Variants in ENTPD1 observed in about 807,000 individuals in gnomAD.
ENTPD1 encodes ectonucleoside triphosphate diphosphohydrolase 1.
ENTPD1 carries 33 observed loss-of-function variants against 57.0 expected under a neutral mutation model. That is an observed-to-expected ratio of 0.58 (90% CI 0.44 to 0.77). The LOEUF (loss-of-function observed/expected upper bound fraction) is 0.77, where lower values mean the gene tolerates loss of function less well. Among genes scored for constraint, ENTPD1 ranks in the 30% least tolerant of loss-of-function variants. ENTPD1 has a pLI of 0.00. For missense variants in ENTPD1, 501 were observed against 603.4 expected (o/e 0.83, Z 1.78); for synonymous variants, 202 against 218.8 (o/e 0.92, Z 0.68).
At chr10:95,847,296 T>C (rs2098437593) in intron 6 of ENTPD1, 150 bp from the exon 7 acceptor site, 4 of 857,584 alleles carry the variant, frequency 4.7e-6, no homozygotes, top group Non-Finnish European at 7.7e-6. Flanking sequence ...TCATATTTAT[T>C]CCTAAGGGTA....
At chr10:95,706,231 GT>G in the ENTPD1 span, among the ~76,000 whole-genome samples, 8,343 of 152,286 alleles carry the variant, frequency 0.055, 265 homozygotes, top group South Asian at 0.088. Context: ...TTGGACAGTG[GT>G]TATGTTATGG....
At chr10:95,862,272 G>A (rs1212349291) in intron 8 of ENTPD1, among the ~76,000 whole-genome samples, 2 of 152,128 alleles carry the variant, frequency 1.3e-5, no homozygotes, top group African/African-American at 4.8e-5. Context: ...TATGACCCAG[G>A]GTTCACTTTC....
chr10:95,869,627 T>C lies in ENTPD1; in HGVS notation c.*3244T>C. The stretch of plus-strand genomic sequence containing the variant: ...TGTGTGACAAGAAAGAGAAAGAAAA[T>C]AAAGAAGTTTCAATTCATCCAATTC... On this transcript the variant is annotated 3_prime_UTR_variant, in exon 10 of 10. Coordinates refer to ENST00000371205, the MANE Select transcript of ENTPD1 (RefSeq NM_001776.6). The C allele has an allele frequency of 1.0e-6, 1 of 985,122 alleles. No individual in the cohort carries two copies. Among genetic ancestry groups the C allele is most frequent in the Non-Finnish European group, 1.2e-6 (1 of 829,764 alleles). The allele number at this position is 985,122 out of a possible 1,614,324, so 61.0% of individuals were successfully genotyped here.
chr10:95,851,185 G>T (rs2098444309), intron 7 of ENTPD1, among the ~76,000 whole-genome samples: 3 of 151,758 alleles, frequency 2.0e-5, no homozygotes, highest in Non-Finnish European at 4.4e-5. Flanking sequence ...TGGAATTAAA[G>T]AACATTAAAA....
chr10:95,774,830 A>G (rs1238625040), intron 1 of ENTPD1, among the ~76,000 whole-genome samples: 2 of 152,136 alleles, frequency 1.3e-5, no homozygotes, highest in South Asian at 2.1e-4. Flanking sequence ...TTTTGGTTCC[A>G]TAGGAACTTT....
intron 1 of ENTPD1, among the ~76,000 whole-genome samples, chr10:95,793,389 C>A (rs1421824013): frequency 1.3e-5 from 2 of 152,138 alleles, no homozygotes; most frequent in Non-Finnish European, 2.9e-5. Context: ...GAAAAGGCCC[C>A]TGGTTGGGCT....
At chr10:95,795,523 A>G (rs1489796622) in intron 1 of ENTPD1, among the ~76,000 whole-genome samples, 1 of 152,208 alleles carries the variant, frequency 6.6e-6, no homozygotes, top group Non-Finnish European at 1.5e-5. Context: ...GACCAAATAT[A>G]TAGTATTTCC....
At chr10:95,714,772 A>C (rs1426146764) in intron 1 of ENTPD1, among the ~76,000 whole-genome samples, 1 of 152,178 alleles carries the variant, frequency 6.6e-6, no homozygotes, top group Non-Finnish European at 1.5e-5. Context: ...GAATTTCAAA[A>C]ATTTTTTTTT....
At chr10:95,864,542 A>G (rs1033657966) in intron 8 of ENTPD1, among the ~76,000 whole-genome samples, 182 bp from the exon 9 acceptor site, 1 of 152,194 alleles carries the variant, frequency 6.6e-6, no homozygotes, top group African/African-American at 2.4e-5. Flanking sequence ...ACCCTAAACT[A>G]TAAAACCCTG....
chr10:95,831,013 C>T (rs867991817), intron 2 of ENTPD1, among the ~76,000 whole-genome samples: 2 of 152,036 alleles, frequency 1.3e-5, no homozygotes, highest in South Asian at 2.1e-4. Context: ...GCAAGGCAGG[C>T]GAGGCCAGAA....
In ENTPD1 at chr10:95,876,547, T is replaced by C; in HGVS notation, c.*10164T>C. On this transcript the variant is annotated 3_prime_UTR_variant, in exon 10 of 10. Coordinates refer to ENST00000371205, the MANE Select transcript of ENTPD1 (RefSeq NM_001776.6). ...GCAATAGTCAACTGAACCATCTTCT[T>C]GGAGTACTCATGAAGATGGAAGTCT... 2 of 1,231,288 alleles carry C rather than the reference T, an allele frequency of 1.6e-6. No homozygotes were observed. Among genetic ancestry groups the C allele is most frequent in the Non-Finnish European group, 2.0e-6 (2 of 987,694 alleles). 76.3% of individuals were successfully genotyped at this position (1,231,288 alleles called of 1,614,324 possible).
Position 95,732,124 on chromosome 10 carries a change from G to A in ENTPD1, c.37+20131G>A, listed in dbSNP as rs181049479. ...AGTAACTGCAACAGAGGCATGCTTC[G>A]AATACTATACTTTTTTGAGACACAT... On this transcript the variant is annotated intron_variant, in intron 1 of 9. Transcript: ENST00000453258. Among the ~76,000 whole-genome samples the A allele has an allele frequency of 1.4e-3, 217 of 152,098 alleles. 3 individuals are homozygous for A. Among genetic ancestry groups the A allele is most frequent in the African/African-American group, 4.9e-3 (204 of 41,498 alleles).
chr10:95,707,734 A>G (rs2097963098), upstream of ENTPD1, among the ~76,000 whole-genome samples: 1 of 152,174 alleles, frequency 6.6e-6, no homozygotes. Context: ...CCTCCTGAGT[A>G]GCTGGGATTA....
At chr10:95,717,813 C>A (rs2097973260) in intron 1 of ENTPD1, among the ~76,000 whole-genome samples, 1 of 152,128 alleles carries the variant, frequency 6.6e-6, no homozygotes, top group Non-Finnish European at 1.5e-5. Context: ...AGGAGGGGTG[C>A]CTTCAATGCC....
At chr10:95,768,581 C>T (rs1203108427) in intron 1 of ENTPD1, among the ~76,000 whole-genome samples, 2 of 150,574 alleles carry the variant, frequency 1.3e-5, no homozygotes, top group East Asian at 3.9e-4. Flanking sequence ...CATTCTGAGA[C>T]TATTTTCCTA....
upstream of ENTPD1, chr10:95,756,037 A>G: frequency 6.8e-7 from 1 of 1,472,606 alleles, no homozygotes; most frequent in Non-Finnish European, 9.0e-7. Flanking sequence ...TCCTCAGTCA[A>G]TCTGTCCTTT....
Position 95,823,333 on chromosome 10 carries a change from C to A in ENTPD1, c.113C>A (p.Thr38Asn), listed in dbSNP as rs1033246962. Reference sequence around the variant, plus strand: ...ATAGCTTTGCTTGCTGTGGGGTTGACCCAGAACAAAGCATTGCCAGAAAAC... The same window carrying A: ...ATAGCTTTGCTTGCTGTGGGGTTGAACCAGAACAAAGCATTGCCAGAAAAC... ...AVIALLAVGLTQNKALPENVK... is the reference protein window; with the variant it reads ...AVIALLAVGLNQNKALPENVK... The change falls in exon 2 of 10, where the codon ACC becomes AAC. Residue 38 changes from threonine to asparagine, a missense_variant. By Grantham distance (65) the Thr-to-Asn change is moderately conservative. Coordinates refer to ENST00000371205, the MANE Select transcript of ENTPD1 (RefSeq NM_001776.6). 2 of 1,614,110 alleles carry A rather than the reference C, an allele frequency of 1.2e-6. No homozygotes were observed. Among genetic ancestry groups the A allele is most frequent in the Non-Finnish European group, 1.7e-6 (2 of 1,180,002 alleles).
Position 95,866,490 on chromosome 10 carries a change from G to T in ENTPD1, c.*107G>T. 1.2e-5 allele frequency: 19 copies of T among 1,552,800 alleles called. No individual in the cohort carries two copies. In the South Asian group the frequency reaches 2.2e-4, roughly 18 times the overall value. ...CATCCTTCCCTGTCTGCCAGGGCCA[G>T]TCTTGACGAGTGTGAAGCTTCCTTG... On this transcript the variant is annotated 3_prime_UTR_variant, in exon 10 of 10. Coordinates refer to ENST00000371205, the MANE Select transcript of ENTPD1 (RefSeq NM_001776.6).
chr10:95,864,143 T>G (rs2098470026), intron 8 of ENTPD1, among the ~76,000 whole-genome samples: 1 of 152,234 alleles, frequency 6.6e-6, no homozygotes, highest in Non-Finnish European at 1.5e-5. Context: ...GGTGAGATGT[T>G]GGCAGTGCTA....
Sources: gnomAD v4.1 joint callset for allele counts (sites outside exome capture counted in the v4.1 genomes callset) on GRCh38, gnomAD v4.1.1 for gene constraint, MANE v1.5 for transcripts, NCBI Gene and HGNC (gene_info 2026-07-23, HGNC 2026-07-21) for gene names.